Variants in BBOX1 observed in about 807,000 individuals in gnomAD.
BBOX1 encodes gamma-butyrobetaine hydroxylase 1, also known as gamma-butyrobetaine dioxygenase.
In BBOX1, 35 loss-of-function variants were observed where a neutral mutation model predicts 41.6. That is an observed-to-expected ratio of 0.84 (90% CI 0.64 to 1.11). BBOX1 has a LOEUF of 1.11. Ranked by LOEUF, BBOX1 falls within the 50% of genes most tolerant of loss-of-function variation. BBOX1 has a pLI of 0.00. For synonymous variants in BBOX1, 163 were observed against 154.7 expected, an observed-to-expected ratio of 1.05 and a Z score of -0.40; for missense variants, 458 against 460.6, an observed-to-expected ratio of 0.99 and a Z score of 0.05.
At chr11:27,050,735 C>A (rs1162209711) in intron 2 of BBOX1, among the ~76,000 whole-genome samples, 1 of 152,026 alleles carries the variant, frequency 6.6e-6, no homozygotes, top group Non-Finnish European at 1.5e-5. Context: ...AAAGTTTTTT[C>A]TGCAGTCTTT....
intron 4 of BBOX1, 136 bp from the exon 5 acceptor site, chr11:27,093,032 C>G (rs1858305421): frequency 3.4e-6 from 3 of 886,240 alleles, no homozygotes; most frequent in Middle Eastern, 3.5e-4. Context: ...TTGGGCATTT[C>G]TAATATGAAT....
chr11:27,055,482 C>T lies in BBOX1; in HGVS notation c.52C>T (p.Gln18Ter), dbSNP rs753452828. 3 of 1,614,128 alleles carry T rather than the reference C, an allele frequency of 1.9e-6. No individual in the cohort carries two copies. The highest frequency in any genetic ancestry group is 2.2e-5 in the South Asian group (2 of 91,080). Residue 18 changes from glutamine to a stop codon, truncating the protein, a stop_gained, in exon 3 of 9, where the codon CAG becomes TAG. Coordinates refer to ENST00000263182, the MANE Select transcript of BBOX1 (RefSeq NM_003986.3). LOFTEE classifies it high-confidence loss of function. ...AGCACTTGACGGGGCTCATTTGATG[C>T]AGATCCTCTGGTATGATGAGGAAGA... is the stretch of plus-strand genomic sequence containing the variant. ...AEALDGAHLM[Q>*]ILWYDEEESL...
intron 4 of BBOX1, among the ~76,000 whole-genome samples, chr11:27,077,628 A>C (rs984877240): frequency 6.6e-6 from 1 of 151,676 alleles, no homozygotes; most frequent in Non-Finnish European, 1.5e-5. Flanking sequence ...AAAAAAAAAA[A>C]AAAAACCAAA....
chr11:27,123,635 C>A (rs921810734), intron 7 of BBOX1, among the ~76,000 whole-genome samples: 3 of 152,144 alleles, frequency 2.0e-5, no homozygotes, highest in Non-Finnish European at 4.4e-5. Flanking sequence ...TGGCCTCAGA[C>A]ACTGTGACAG....
Position 27,055,443 on chromosome 11 carries a change from A to G in BBOX1, c.13A>G (p.Ile5Val). ...GAAGACCGGAAACATGGCTTGTACCATCCAAAAGGCAGAAGCACTTGACGG... is the reference window on the plus strand; with the variant it reads ...GAAGACCGGAAACATGGCTTGTACCGTCCAAAAGGCAGAAGCACTTGACGG... The part of the protein sequence containing the change: MACT[I>V]QKAEALDGAH... The change falls in exon 3 of 9, where the codon ATC becomes GTC. Residue 5 changes from isoleucine to valine, a missense_variant. By Grantham distance (29) the Ile-to-Val change is conservative. Coordinates refer to ENST00000263182, the MANE Select transcript of BBOX1 (RefSeq NM_003986.3). 6.2e-7 allele frequency: 1 copy of G among 1,613,616 alleles called. No individual in the cohort carries two copies. Among genetic ancestry groups the G allele is most frequent in the Non-Finnish European group, 8.5e-7 (1 of 1,180,020 alleles).
chr11:27,056,949 C>G (rs1218412799), intron 3 of BBOX1, among the ~76,000 whole-genome samples: 2 of 150,148 alleles, frequency 1.3e-5, no homozygotes, highest in Admixed American at 1.3e-4. Flanking sequence ...GCCTGTAATC[C>G]CAGCTACTTG....
At chr11:27,125,891 T>C in intron 8 of BBOX1, 71 bp downstream of exon 8, 1 of 1,490,290 alleles carries the variant, frequency 6.7e-7, no homozygotes, top group Non-Finnish European at 9.0e-7. Context: ...TAGAATTATA[T>C]CCAGAGCAGT....
chr11:27,095,322 T>C (rs1400507081), intron 5 of BBOX1, among the ~76,000 whole-genome samples: 1 of 151,972 alleles, frequency 6.6e-6, no homozygotes, highest in East Asian at 1.9e-4. Context: ...TTCTCTAAAC[T>C]ACCCTGCAAA....
intron 5 of BBOX1, among the ~76,000 whole-genome samples, chr11:27,105,386 G>T (rs1295997108): frequency 6.6e-6 from 1 of 152,050 alleles, no homozygotes; most frequent in Non-Finnish European, 1.5e-5. Context: ...ACCACTGTAG[G>T]GAAATCCTTA....
At chr11:27,098,836 T>C (rs1474484917) in intron 5 of BBOX1, among the ~76,000 whole-genome samples, 4 of 150,856 alleles carry the variant, frequency 2.7e-5, no homozygotes, top group African/African-American at 4.9e-5. Flanking sequence ...TTGTCAACTA[T>C]ATTTTATATT....
intron 2 of BBOX1, chr11:27,047,164 C>T (rs1851509482): frequency 6.6e-6 from 1 of 152,174 alleles, no homozygotes; most frequent in Admixed American, 6.5e-5. Flanking sequence ...CTCCCATGTG[C>T]CTTGGGCACC....
intron 7 of BBOX1, among the ~76,000 whole-genome samples, chr11:27,124,890 G>C (rs1228888355): frequency 6.6e-6 from 1 of 152,148 alleles, no homozygotes; most frequent in African/African-American, 2.4e-5. Context: ...TTTTGAGAAA[G>C]AGAATAGAGA....
chr11:27,106,516 G>C (rs1012020356), intron 5 of BBOX1, among the ~76,000 whole-genome samples: 4 of 152,128 alleles, frequency 2.6e-5, no homozygotes, highest in African/African-American at 9.7e-5. Flanking sequence ...ATGGTAAAGG[G>C]ATCAATTGAA....
At chr11:27,066,927 T>C (rs1201510970) in intron 4 of BBOX1, among the ~76,000 whole-genome samples, 1 of 152,146 alleles carries the variant, frequency 6.6e-6, no homozygotes, top group African/African-American at 2.4e-5. Flanking sequence ...TATTAATCAA[T>C]AAGAAAGTAG....
intron 6 of BBOX1, among the ~76,000 whole-genome samples, chr11:27,116,482 A>T (rs527713226): frequency 0.16 from 24,039 of 151,738 alleles, 2,243 homozygotes; most frequent in Middle Eastern, 0.24. Flanking sequence ...CAAAAAAAAA[A>T]AATAATAACT....
At chr11:27,065,170 A>T (rs909539480) in intron 4 of BBOX1, among the ~76,000 whole-genome samples, 1 of 152,146 alleles carries the variant, frequency 6.6e-6, no homozygotes, top group Non-Finnish European at 1.5e-5. Context: ...AAGATGGAGG[A>T]GGTGGGTTAG....
chr11:27,125,098 G>A (rs1859603904), intron 7 of BBOX1, among the ~76,000 whole-genome samples: 1 of 152,114 alleles, frequency 6.6e-6, no homozygotes, highest in African/African-American at 2.4e-5. Flanking sequence ...ACTAAGATAG[G>A]TAGGATGAGT....
chr11:27,126,677 C>CTTTTTTTT (rs66505246), intron 8 of BBOX1, among the ~76,000 whole-genome samples: 2 of 127,824 alleles, frequency 1.6e-5, no homozygotes, highest in African/African-American at 2.8e-5. Context: ...TCTTTTTTTT[C>CTTTTTTTT]TTTTTTTTTT....
intron 4 of BBOX1, among the ~76,000 whole-genome samples, chr11:27,092,437 C>T (rs1362939074): frequency 6.6e-6 from 1 of 151,966 alleles, no homozygotes; most frequent in Non-Finnish European, 1.5e-5. Context: ...CTGTGTTCCA[C>T]TTCCTTTGGG....
Sources: gnomAD v4.1 joint callset for allele counts (sites outside exome capture counted in the v4.1 genomes callset) on GRCh38, gnomAD v4.1.1 for gene constraint, MANE v1.5 for transcripts, NCBI Gene and HGNC (gene_info 2026-07-23, HGNC 2026-07-21) for gene names.